GABRB1: variants seen among roughly 807,000 people sequenced by gnomAD.
GABRB1 encodes the protein gamma-aminobutyric acid type A receptor subunit beta1, also known as gamma-aminobutyric acid receptor subunit beta-1.
Under a neutral mutation model 51.6 loss-of-function variants are expected in GABRB1, and 17 were observed. The observed-to-expected ratio is 0.33, with a 90% CI of 0.23 to 0.49. The LOEUF (loss-of-function observed/expected upper bound fraction) is 0.49, where lower values mean the gene tolerates loss of function less well. Among genes scored for constraint, GABRB1 ranks in the 20% least tolerant of loss-of-function variants. The pLI is 0.99. For missense variants in GABRB1, 410 were observed against 600.6 expected (o/e 0.68, Z 3.32); for synonymous variants, 247 against 218.9 (o/e 1.13, Z -1.14).
Position 47,188,195 on chromosome 4 carries a change from G to C in GABRB1, c.461+26726G>C, listed in dbSNP as rs73815406. On this transcript the variant is annotated intron_variant, in intron 4 of 8. Coordinates refer to ENST00000295454, the MANE Select transcript of GABRB1 (RefSeq NM_000812.4). ...ATTAGATAAAGGACTTAATAAATACGTATGGTACAAAATATAAAACTGAGT... is the reference window on the plus strand; with the variant it reads ...ATTAGATAAAGGACTTAATAAATACCTATGGTACAAAATATAAAACTGAGT... Among the ~76,000 whole-genome samples the C allele has an allele frequency of 4.9e-3, 740 of 151,960 alleles. 12 individuals are homozygous for C. Among genetic ancestry groups the C allele is most frequent in the African/African-American group, 0.017 (703 of 41,484 alleles).
At chr4:47,380,826 A>C (rs1424182883) in intron 5 of GABRB1, among the ~76,000 whole-genome samples, 1 of 152,168 alleles carries the variant, frequency 6.6e-6, no homozygotes, top group South Asian at 2.1e-4. Context: ...ATAAAGATAA[A>C]ATGGGTAAGA....
intron 4 of GABRB1, among the ~76,000 whole-genome samples, chr4:47,318,424 TACA>T (rs761493180): frequency 5.9e-5 from 9 of 151,950 alleles, no homozygotes; most frequent in Non-Finnish European, 7.4e-5. Flanking sequence ...TGCAGCAAAA[TACA>T]ACATCATCAT....
chr4:47,047,437 A>T (rs560629747), intron 3 of GABRB1, among the ~76,000 whole-genome samples: 11 of 152,242 alleles, frequency 7.2e-5, no homozygotes, highest in African/African-American at 2.6e-4. Flanking sequence ...ACTGAGATAT[A>T]AAAAAATTAA....
At chr4:47,159,797 G>A (rs1337442328) in intron 3 of GABRB1, among the ~76,000 whole-genome samples, 7 of 152,028 alleles carry the variant, frequency 4.6e-5, no homozygotes, top group Non-Finnish European at 1.0e-4. Flanking sequence ...TTGCCCAGAT[G>A]TTAGACATGA....
chr4:46,998,256 A>G (rs866310256), intron 1 of GABRB1, among the ~76,000 whole-genome samples: 1 of 152,216 alleles, frequency 6.6e-6, no homozygotes, highest in Non-Finnish European at 1.5e-5. Flanking sequence ...AAAGTCACCT[A>G]TTATAGTATG....
At chr4:47,243,012 G>A (rs1174436374) in intron 4 of GABRB1, among the ~76,000 whole-genome samples, 6 of 152,140 alleles carry the variant, frequency 3.9e-5, no homozygotes, top group African/African-American at 2.4e-5. Flanking sequence ...GGTTTTTATG[G>A]TTTTAGGTCT....
chr4:47,241,337 C>A (rs1236786042), intron 4 of GABRB1, among the ~76,000 whole-genome samples: 1 of 152,060 alleles, frequency 6.6e-6, no homozygotes, highest in Non-Finnish European at 1.5e-5. Flanking sequence ...CCCCCTACCC[C>A]CTTACAGTAT....
intron 1 of GABRB1, among the ~76,000 whole-genome samples, chr4:47,006,616 AT>A (rs1471562089): frequency 6.6e-6 from 1 of 152,190 alleles, no homozygotes; most frequent in Non-Finnish European, 1.5e-5. Context: ...GAGTCCAAGA[AT>A]AAAAAATCAT....
chr4:47,080,529 T>C (rs757554031), intron 3 of GABRB1, among the ~76,000 whole-genome samples: 3 of 152,348 alleles, frequency 2.0e-5, no homozygotes, highest in Admixed American at 6.5e-5. Flanking sequence ...TGGTCGTCCA[T>C]GTAATCTGTC....
At chr4:47,174,514 A>G (rs1718582814) in intron 4 of GABRB1, among the ~76,000 whole-genome samples, 1 of 152,222 alleles carries the variant, frequency 6.6e-6, no homozygotes, top group African/African-American at 2.4e-5. Flanking sequence ...ACCATATAGC[A>G]TATAATTATA....
chr4:47,216,911 A>G (rs1162806519), intron 4 of GABRB1, among the ~76,000 whole-genome samples: 1 of 151,908 alleles, frequency 6.6e-6, no homozygotes, highest in Non-Finnish European at 1.5e-5. Context: ...GCTTATTGCC[A>G]CATTGTTTTA....
chr4:47,178,472 G>A (rs1360854420), intron 4 of GABRB1, among the ~76,000 whole-genome samples: 12 of 151,936 alleles, frequency 7.9e-5, no homozygotes, highest in Non-Finnish European at 1.5e-4. Context: ...TCTTTTGTAC[G>A]TGCTGAGACT....
chr4:47,026,412 A>G (rs916333208), intron 1 of GABRB1, among the ~76,000 whole-genome samples: 3 of 152,060 alleles, frequency 2.0e-5, no homozygotes, highest in Non-Finnish European at 4.4e-5. Context: ...ATTTTATAAA[A>G]GAAGATAAAA....
At chr4:47,406,268 T>C (rs1728562144) in intron 7 of GABRB1, among the ~76,000 whole-genome samples, 1 of 152,196 alleles carries the variant, frequency 6.6e-6, no homozygotes, top group Non-Finnish European at 1.5e-5. Context: ...TGGTAGAGGC[T>C]GCTATAGGGA....
In GABRB1 at chr4:47,014,892, G is replaced by GTATT. The variant is rs71193895; in HGVS notation, c.-19-16993_-19-16990dup. On this transcript the variant is annotated intron_variant, in intron 1 of 3. Coordinates refer to the GABRB1 transcript ENST00000513567. ...TGGGAAACTATAGTATTTAGTAGCT[G>GTATT]TATTTATTTATTTATTTATTTATTT... Among the ~76,000 whole-genome samples, 623 of 151,030 alleles carry GTATT rather than the reference G, an allele frequency of 4.1e-3. 3 individuals are homozygous for GTATT. Among genetic ancestry groups the GTATT allele is most frequent in the African/African-American group, 0.012 (498 of 41,130 alleles).
Position 47,131,009 on chromosome 4 carries a change from T to TTGCAAAACCCATATATTTAGAGA in GABRB1, c.241-30231_241-30230insCATATATTTAGAGATGCAAAACC, listed in dbSNP as rs555746969. ...TAAAGCTGAAGTTTTGTTTATGGGTTTGCAAAACCATCTCTAAATATAACA... is the reference window on the plus strand; with the variant it reads ...TAAAGCTGAAGTTTTGTTTATGGGTTTGCAAAACCCATATATTTAGAGATGCAAAACCATCTCTAAATATAACA... On this transcript the variant is annotated intron_variant, in intron 3 of 8. Coordinates refer to ENST00000295454, the MANE Select transcript of GABRB1 (RefSeq NM_000812.4). Among the ~76,000 whole-genome samples the TTGCAAAACCCATATATTTAGAGA allele has an allele frequency of 3.3e-5, 5 of 152,336 alleles. No homozygotes were observed. In the East Asian group the frequency reaches 9.6e-4, roughly 29 times the overall value.
intron 5 of GABRB1, among the ~76,000 whole-genome samples, chr4:47,360,464 C>T (rs772544208): frequency 6.6e-6 from 1 of 151,698 alleles, no homozygotes. Flanking sequence ...TGAATAGCTG[C>T]CTGTGTTAAT....
chr4:47,229,375 A>G (rs553949199), intron 4 of GABRB1, among the ~76,000 whole-genome samples: 40 of 152,296 alleles, frequency 2.6e-4, no homozygotes, highest in South Asian at 2.1e-3. Context: ...TTTATTTGGC[A>G]CACATGCATT....
At chr4:47,350,460 T>TATG (rs1726287727) in intron 5 of GABRB1, among the ~76,000 whole-genome samples, 1 of 151,822 alleles carries the variant, frequency 6.6e-6, no homozygotes, top group South Asian at 2.1e-4. Flanking sequence ...CTTTGCCACT[T>TATG]ATGCGGGTCA....
Sources: gnomAD v4.1 joint callset for allele counts (sites outside exome capture counted in the v4.1 genomes callset) on GRCh38, gnomAD v4.1.1 for gene constraint, MANE v1.5 for transcripts, NCBI Gene and HGNC (gene_info 2026-07-23, HGNC 2026-07-21) for gene names.